Variants in SIL1 observed in about 807,000 individuals in gnomAD.
The protein encoded by SIL1 is nucleotide exchange factor SIL1.
A neutral mutation model predicts 49.1 loss-of-function variants in SIL1; 40 were observed. The observed-to-expected ratio is 0.81, with a 90% CI of 0.63 to 1.06. The LOEUF is 1.06. Among genes scored for constraint, SIL1 ranks in the 50% least tolerant of loss-of-function variants. The pLI is 0.00. For synonymous variants in SIL1, 253 were observed against 250.8 expected (o/e 1.01, Z -0.08); for missense variants, 500 against 572.6 (o/e 0.87, Z 1.29).
chr5:139,157,025 A>C (rs192955877), intron 1 of SIL1, among the ~76,000 whole-genome samples: 98 of 152,278 alleles, frequency 6.4e-4, no homozygotes, highest in Non-Finnish European at 1.1e-3. Context: ...CTTGTCCACT[A>C]TCTGATGGGT....
intron 1 of SIL1, chr5:139,187,987 AGCTTCC>A (rs1752105452): frequency 4.6e-5 from 7 of 153,042 alleles, no homozygotes; most frequent in Non-Finnish European, 8.8e-5. Flanking sequence ...AAGACGTGCC[AGCTTCC>A]CCTTCGCCTT....
In SIL1 at chr5:139,169,764, A is replaced by G. The variant is rs1751699157; in HGVS notation, c.-11+28505T>C. ...CCAAAGTGCTGGGATTACAGGCGTGAGCCACCACGCCCGGCCCAAGTATGG... is the reference window on the plus strand; with the variant it reads ...CCAAAGTGCTGGGATTACAGGCGTGGGCCACCACGCCCGGCCCAAGTATGG... On this transcript the variant is annotated intron_variant, in intron 1 of 9. Transcript: ENST00000394817. 2.0e-5 allele frequency among the ~76,000 whole-genome samples: 3 copies of G among 151,474 alleles called. No homozygotes were observed. The South Asian group carries it at 6.3e-4, about 32-fold the overall frequency.
At chr5:138,975,514 G>T (rs1345743192) in intron 7 of SIL1, among the ~76,000 whole-genome samples, 1 of 152,154 alleles carries the variant, frequency 6.6e-6, no homozygotes, top group African/African-American at 2.4e-5. Flanking sequence ...CAGTGCCTAG[G>T]ACAGAGTCCC....
intron 1 of SIL1, among the ~76,000 whole-genome samples, chr5:139,160,184 CACAA>C (rs1304531516): frequency 7.3e-6 from 1 of 137,774 alleles, no homozygotes; most frequent in African/African-American, 2.6e-5. Context: ...CACACACACA[CACAA>C]AAGTTATAGC....
In SIL1 at chr5:139,042,707, G is replaced by A; in HGVS notation, c.366C>T (p.Asn122=). 3.7e-6 allele frequency: 6 copies of A among 1,614,154 alleles called. No individual in the cohort carries two copies. The highest frequency in any genetic ancestry group is 5.1e-6 in the Non-Finnish European group (6 of 1,180,002). Residue 122 remains asparagine, a synonymous_variant, in exon 5 of 10, where the codon AAC becomes AAT. Transcript: ENST00000394817. Reference sequence around the variant, plus strand: ...GATCCTGAGATGTGTAGGTGTTGGTGTTGATATCCAGCCTGTCCAAAGAAA... The same window carrying A: ...GATCCTGAGATGTGTAGGTGTTGGTATTGATATCCAGCCTGTCCAAAGAAA... The part of the protein sequence containing the change: ...NNLKGKRLDI[N]TNTYTSQDLK...
At chr5:139,133,714 G>A (rs1258154600) in intron 1 of SIL1, among the ~76,000 whole-genome samples, 1 of 152,184 alleles carries the variant, frequency 6.6e-6, no homozygotes, top group African/African-American at 2.4e-5. Flanking sequence ...GCCTGCCATG[G>A]AGCCCTTGGA....
intron 1 of SIL1, among the ~76,000 whole-genome samples, chr5:139,143,304 T>TACACAC (rs1351115706): frequency 1.6e-3 from 117 of 73,006 alleles, no homozygotes; most frequent in African/African-American, 8.1e-3. Context: ...TATATACATA[T>TACACAC]ATACACACAC....
chr5:139,114,290 G>T (rs1170425381), intron 3 of SIL1, among the ~76,000 whole-genome samples: 1 of 152,196 alleles, frequency 6.6e-6, no homozygotes, highest in African/African-American at 2.4e-5. Flanking sequence ...CTGCTGAGGG[G>T]CAGTGATCAG....
intron 1 of SIL1, among the ~76,000 whole-genome samples, chr5:139,146,778 G>T (rs1317526422): frequency 1.3e-5 from 2 of 152,068 alleles, no homozygotes; most frequent in Admixed American, 1.3e-4. Flanking sequence ...TATTAATGTG[G>T]CTAATTTTAT....
In SIL1 at chr5:139,021,053, A is replaced by G. The variant is rs540894015; in HGVS notation, c.767+118T>C. 29 of 1,419,342 alleles carry G rather than the reference A, an allele frequency of 2.0e-5. No homozygotes were observed. The African/African-American group carries it at 2.7e-4, about 13-fold the overall frequency. 87.9% of individuals were successfully genotyped at this position (1,419,342 alleles called of 1,614,324 possible). On this transcript the variant is annotated intron_variant, in intron 7 of 9. Coordinates refer to ENST00000394817, the MANE Select transcript of SIL1 (RefSeq NM_022464.5). ...TAAGGGCAGAATCAAATTTTACTCTAGTTTCATTGAGATGACACTGAAATG... is the reference window on the plus strand; with the variant it reads ...TAAGGGCAGAATCAAATTTTACTCTGGTTTCATTGAGATGACACTGAAATG...
intron 1 of SIL1, among the ~76,000 whole-genome samples, chr5:139,187,300 C>T (rs1157330163): frequency 1.3e-5 from 2 of 152,228 alleles, no homozygotes; most frequent in African/African-American, 4.8e-5. Flanking sequence ...GGGTGGATCA[C>T]AAGGTCAGGA....
At chr5:139,166,602 G>A (rs1475271073) in intron 1 of SIL1, among the ~76,000 whole-genome samples, 2 of 152,162 alleles carry the variant, frequency 1.3e-5, no homozygotes, top group East Asian at 3.8e-4. Flanking sequence ...GGTTGCAGTG[G>A]GCTATCATCA....
At chr5:138,955,373 GGAC>G (rs1161926235) in intron 7 of SIL1, among the ~76,000 whole-genome samples, 2 of 152,226 alleles carry the variant, frequency 1.3e-5, no homozygotes, top group Non-Finnish European at 2.9e-5. Context: ...GTGTGCAGAG[GGAC>G]GACAGCAGCT....
chr5:139,039,297 T>C (rs1298667025), intron 5 of SIL1, among the ~76,000 whole-genome samples: 1 of 152,200 alleles, frequency 6.6e-6, no homozygotes, highest in Non-Finnish European at 1.5e-5. Flanking sequence ...TACAGCTTGC[T>C]ACTACCACCA....
intron 1 of SIL1, among the ~76,000 whole-genome samples, chr5:139,178,364 TCCAAAACCA>T (rs1382496541): frequency 2.6e-5 from 4 of 152,088 alleles, no homozygotes; most frequent in East Asian, 1.9e-4. Flanking sequence ...CATTTGCAAA[TCCAAAACCA>T]CCAAAACCAC....
At chr5:139,137,125 C>G (rs992955701) in intron 1 of SIL1, among the ~76,000 whole-genome samples, 1 of 152,256 alleles carries the variant, frequency 6.6e-6, no homozygotes, top group Non-Finnish European at 1.5e-5. Flanking sequence ...CACCCCTTCC[C>G]CCAGCATTCA....
Position 138,946,944 on chromosome 5 carries a change from C to G in SIL1, c.*173G>C, listed in dbSNP as rs1766641877. ...CCAACCACTCACCTGACCCCCCGGC[C>G]ACAGGGCTGTGCCCAGTCTACACAG... On this transcript the variant is annotated 3_prime_UTR_variant, in exon 10 of 10. Transcript: ENST00000394817. 1 of 656,690 alleles carries G rather than the reference C, an allele frequency of 1.5e-6. No homozygotes were observed. Among genetic ancestry groups the G allele is most frequent in the Non-Finnish European group, 2.8e-6 (1 of 361,864 alleles). 40.7% of individuals were successfully genotyped at this position (656,690 alleles called of 1,614,324 possible).
chr5:139,013,580 G>C (rs1768332084), intron 7 of SIL1: 1 of 124,676 alleles, frequency 8.0e-6, no homozygotes, highest in African/African-American at 3.5e-5. Flanking sequence ...CTTTCTTACA[G>C]GGCTACCACA....
At chr5:139,080,176 C>T (rs1282765646) in intron 3 of SIL1, among the ~76,000 whole-genome samples, 3 of 152,166 alleles carry the variant, frequency 2.0e-5, no homozygotes, top group African/African-American at 7.2e-5. Flanking sequence ...GATTTTACCA[C>T]CCATTGGACA....
Sources: allele counts gnomAD v4.1 joint callset (sites outside exome capture counted in the v4.1 genomes callset), GRCh38; gene constraint gnomAD v4.1.1; transcripts MANE v1.5; gene names NCBI Gene and HGNC (gene_info 2026-07-23, HGNC 2026-07-21).